CHFR: variants seen among roughly 807,000 people sequenced by gnomAD.
CHFR encodes the protein checkpoint with forkhead and ring finger domains, also known as E3 ubiquitin-protein ligase CHFR.
A neutral mutation model predicts 87.6 loss-of-function variants in CHFR; 57 were observed. That is an observed-to-expected ratio of 0.65 (90% CI 0.53 to 0.81). The LOEUF is 0.81. Ranked by LOEUF, CHFR falls within the 30% of genes least tolerant of loss-of-function variation. The probability of loss-of-function intolerance (pLI) is 0.00; values close to 1 mark genes in which losing one functional copy is unlikely to be tolerated. For synonymous variants in CHFR, 381 were observed against 359.2 expected (o/e 1.06, Z -0.69); for missense variants, 797 against 865.8 (o/e 0.92, Z 1.00).
intron 2 of CHFR, among the ~76,000 whole-genome samples, chr12:132,879,750 C>A (rs1240051227): frequency 2.0e-5 from 3 of 152,140 alleles, no homozygotes; most frequent in African/African-American, 7.2e-5. Flanking sequence ...ATCAAAAGAA[C>A]AAAGGCGTTT....
At chr12:132,879,036 G>A (rs1258529332) in intron 2 of CHFR, among the ~76,000 whole-genome samples, 8 of 129,358 alleles carry the variant, frequency 6.2e-5, no homozygotes, top group Admixed American at 9.0e-5. Flanking sequence ...ATGGAGTCTC[G>A]CACTGTCGCC....
At chr12:132,847,646 C>A in intron 14 of CHFR, 1 of 1,080,100 alleles carries the variant, frequency 9.3e-7, no homozygotes, top group South Asian at 2.8e-5. Context: ...GGCAGGAGGG[C>A]GAATGCGCAT....
chr12:132,875,220 G>C (rs1318245899), intron 3 of CHFR, among the ~76,000 whole-genome samples: 1 of 152,194 alleles, frequency 6.6e-6, no homozygotes, highest in African/African-American at 2.4e-5. Flanking sequence ...TTCTATCCCT[G>C]AAACTATCAG....
At chr12:132,851,552 G>A (rs916544152) in intron 12 of CHFR, 66 bp downstream of exon 12, 16 of 1,507,552 alleles carry the variant, frequency 1.1e-5, no homozygotes, top group East Asian at 2.4e-5. Flanking sequence ...GGCCAACACC[G>A]CTTTGAAACC....
chr12:132,843,483 TA>T (rs1950744654), intron 16 of CHFR, among the ~76,000 whole-genome samples: 2 of 152,050 alleles, frequency 1.3e-5, no homozygotes, highest in Non-Finnish European at 2.9e-5. Context: ...GAAATAAAAT[TA>T]CCCCAGTTGA....
chr12:132,863,148 G>A (rs202008784), intron 6 of CHFR, among the ~76,000 whole-genome samples: 30 of 141,256 alleles, frequency 2.1e-4, no homozygotes, highest in Admixed American at 7.0e-4. Context: ...CACCCACCTC[G>A]GCCTCCCAAA....
At chr12:132,846,355 C>G (rs536206980) in intron 15 of CHFR, among the ~76,000 whole-genome samples, 1 of 151,796 alleles carries the variant, frequency 6.6e-6, no homozygotes, top group Non-Finnish European at 1.5e-5. Flanking sequence ...CTCCGCCTCC[C>G]GGGTTCACGC....
intron 1 of CHFR, 48 bp from the exon 2 acceptor site, chr12:132,887,388 C>G (rs1380174861): frequency 9.0e-6 from 11 of 1,227,762 alleles, no homozygotes; most frequent in Non-Finnish European, 1.1e-5. Flanking sequence ...CCCCAGAGGC[C>G]GAGACTCGGC....
chr12:132,875,906 G>A (rs141515753), intron 3 of CHFR, among the ~76,000 whole-genome samples: 1 of 152,160 alleles, frequency 6.6e-6, no homozygotes, highest in Admixed American at 6.5e-5. Context: ...CGGGCGCGAT[G>A]GCTCACGCCT....
intron 7 of CHFR, among the ~76,000 whole-genome samples, chr12:132,859,876 T>TA (rs1006240564): frequency 2.0e-5 from 3 of 151,688 alleles, no homozygotes; most frequent in Admixed American, 6.6e-5. Context: ...ACCCCATCTC[T>TA]AAAAAAATGG....
intron 2 of CHFR, among the ~76,000 whole-genome samples, chr12:132,883,681 C>T (rs1190302157): frequency 6.6e-6 from 1 of 152,166 alleles, no homozygotes; most frequent in Non-Finnish European, 1.5e-5. Flanking sequence ...GAGCCGAGAT[C>T]GTGCCACTGC....
rs1950701181 is a variant in CHFR at position 132,841,389 on chromosome 12, C to CA, written c.*164dup. ...CCGGGGCTCTGGGGAGGGTCTCACT[C>CA]AGAGGGTAAAGCTCCACAGAAGAGT... On this transcript the variant is annotated 3_prime_UTR_variant, in exon 18 of 18. Coordinates refer to ENST00000450056, the MANE Select transcript of CHFR (RefSeq NM_001161346.2). The CA allele has an allele frequency of 1.6e-6, 1 of 614,762 alleles. No homozygotes were observed. The highest frequency in any genetic ancestry group is 1.9e-5 in the South Asian group (1 of 51,626). The allele number at this position is 614,762 out of a possible 1,614,324, so 38.1% of individuals were successfully genotyped here. A position where few individuals can be genotyped will look rare whatever the true frequency, so the allele number is the denominator to read the frequency against.
intron 12 of CHFR, among the ~76,000 whole-genome samples, chr12:132,850,417 C>T (rs886507589): frequency 1.3e-5 from 2 of 151,996 alleles, no homozygotes; most frequent in Non-Finnish European, 2.9e-5. Context: ...AAAGCTGGGC[C>T]GAGCTGCCAT....
intron 15 of CHFR, among the ~76,000 whole-genome samples, chr12:132,844,656 A>G (rs549748047): frequency 4.8e-4 from 73 of 151,560 alleles, no homozygotes; most frequent in Non-Finnish European, 7.5e-4. Context: ...TTTGAGACCA[A>G]GTCTTGCTCT....
chr12:132,860,119 A>G (rs1410149932), intron 7 of CHFR, among the ~76,000 whole-genome samples: 1 of 152,144 alleles, frequency 6.6e-6, no homozygotes, highest in African/African-American at 2.4e-5. Flanking sequence ...CTCCTCACCC[A>G]ATTTCCCTCC....
intron 5 of CHFR, among the ~76,000 whole-genome samples, chr12:132,870,168 C>T (rs375121053): frequency 2.9e-4 from 44 of 151,918 alleles, no homozygotes; most frequent in Admixed American, 2.7e-3. Context: ...CTGGCTAACA[C>T]GGTGAAACCC....
chr12:132,860,144 T>A (rs1951181873), intron 7 of CHFR, among the ~76,000 whole-genome samples: 1 of 152,232 alleles, frequency 6.6e-6, no homozygotes. Flanking sequence ...AGGAAAACTA[T>A]TTTCATGTCT....
chr12:132,853,449 A>T lies in CHFR; in HGVS notation c.1354T>A (p.Ser452Thr), dbSNP rs1215461680. The part of the protein sequence containing the change: ...PQALGDAPST[S>T]VSLTTAVQDY... Reference sequence around the variant, plus strand: ...GGCTCACCTGTCGTCAGGCTGACGGACGTGGAGGGTGCATCCCCCAGGGCC... The same window carrying T: ...GGCTCACCTGTCGTCAGGCTGACGGTCGTGGAGGGTGCATCCCCCAGGGCC... The change falls in exon 11 of 18, where the codon TCC becomes ACC. Residue 452 changes from serine to threonine, a missense_variant. Ser to Thr is a moderately conservative substitution (Grantham distance 58). Coordinates refer to ENST00000450056, the MANE Select transcript of CHFR (RefSeq NM_001161346.2). The T allele has an allele frequency of 6.5e-7, 1 of 1,533,366 alleles. No homozygotes were observed. Among genetic ancestry groups the T allele is most frequent in the Non-Finnish European group, 8.7e-7 (1 of 1,149,510 alleles). The allele number at this position is 1,533,366 out of a possible 1,614,324, so 95.0% of individuals were successfully genotyped here.
At position 132,877,591 on chromosome 12, in the gene CHFR, T is replaced by C; in HGVS notation, c.197A>G (p.Asp66Gly). 1 of 1,613,518 alleles carries C rather than the reference T, an allele frequency of 6.2e-7. No homozygotes were observed. Among genetic ancestry groups the C allele is most frequent in the African/African-American group, 1.3e-5 (1 of 75,032 alleles). ...CAGTGTCACCTGACCTGATTTTTCA[T>C]CCACTACAATTCTACAGTGATCTCC... ...VSGDHCRIVVDEKSGQVTLED... is the reference protein window; with the variant it reads ...VSGDHCRIVVGEKSGQVTLED... Residue 66 changes from aspartate to glycine, a missense_variant, in exon 3 of 18, where the codon GAT (aspartate) becomes GGT (glycine). Transcript: ENST00000450056.
Sources: allele counts gnomAD v4.1 joint callset (sites outside exome capture counted in the v4.1 genomes callset), GRCh38; gene constraint gnomAD v4.1.1; transcripts MANE v1.5; gene names NCBI Gene and HGNC (gene_info 2026-07-23, HGNC 2026-07-21).